Variants in PDE4D observed in about 807,000 individuals in gnomAD.
PDE4D encodes 3',5'-cyclic-AMP phosphodiesterase 4D.
PDE4D carries 24 observed loss-of-function variants against 87.4 expected under a neutral mutation model. That is an observed-to-expected ratio of 0.27 (90% CI 0.20 to 0.39). The LOEUF (loss-of-function observed/expected upper bound fraction) is 0.39, where lower values mean the gene tolerates loss of function less well. Among genes scored for constraint, PDE4D ranks in the 10% least tolerant of loss-of-function variants. The pLI is 1.00. For synonymous variants in PDE4D, 384 were observed against 383.2 expected, an observed-to-expected ratio of 1.00 and a Z score of -0.02; for missense variants, 714 against 1,041.0, an observed-to-expected ratio of 0.69 and a Z score of 4.32.
intron 1 of PDE4D, among the ~76,000 whole-genome samples, chr5:59,775,860 C>T (rs1360365045): frequency 2.6e-5 from 4 of 152,056 alleles, no homozygotes; most frequent in Non-Finnish European, 4.4e-5. Flanking sequence ...CACCCCTGAC[C>T]GGCCCCCAAG....
chr5:59,325,067 T>C (rs1333506930), intron 1 of PDE4D, among the ~76,000 whole-genome samples: 1 of 152,136 alleles, frequency 6.6e-6, no homozygotes, highest in Non-Finnish European at 1.5e-5. Flanking sequence ...GGAACAGTAA[T>C]AGCCTTTTGA....
At chr5:59,604,705 A>G (rs1162584993) in intron 1 of PDE4D, among the ~76,000 whole-genome samples, 2 of 152,050 alleles carry the variant, frequency 1.3e-5, no homozygotes, top group African/African-American at 4.8e-5. Flanking sequence ...AAATCAAACT[A>G]CAATGAGGTA....
chr5:58,977,694 G>A (rs190862371), intron 11 of PDE4D, among the ~76,000 whole-genome samples: 3 of 152,156 alleles, frequency 2.0e-5, no homozygotes, highest in Non-Finnish European at 4.4e-5. Context: ...CACATCCAGA[G>A]CATAAGGTTT....
intron 1 of PDE4D, among the ~76,000 whole-genome samples, chr5:59,481,788 C>T (rs956465071): frequency 1.3e-5 from 2 of 151,812 alleles, no homozygotes; most frequent in Admixed American, 1.3e-4. Flanking sequence ...CTTCTCATTT[C>T]CCCTATAAAA....
At chr5:59,268,089 C>T (rs1329339814) in intron 1 of PDE4D, among the ~76,000 whole-genome samples, 2 of 151,872 alleles carry the variant, frequency 1.3e-5, no homozygotes, top group African/African-American at 4.8e-5. Flanking sequence ...TTTTTCTTGC[C>T]ACACTTCCCC....
chr5:59,325,747 C>T (rs1294663915), intron 1 of PDE4D, among the ~76,000 whole-genome samples: 15 of 152,198 alleles, frequency 9.9e-5, no homozygotes, highest in Non-Finnish European at 2.2e-4. Context: ...TGAGCCAGTA[C>T]TATTGACAGT....
intron 1 of PDE4D, chr5:59,275,635 A>G: frequency 1.6e-6 from 2 of 1,237,410 alleles, no homozygotes; most frequent in Non-Finnish European, 2.0e-6. Flanking sequence ...CTAGGCTGTT[A>G]GGAAGTGACA....
At position 59,686,962 on chromosome 5, in the gene PDE4D, T is replaced by A. The variant is rs533772832; in HGVS notation, c.455+206206A>T. Among the ~76,000 whole-genome samples, 68 of 152,316 alleles carry A rather than the reference T, an allele frequency of 4.5e-4. 1 individual carries two copies. The highest frequency in any genetic ancestry group is 1.5e-3 in the African/African-American group (62 of 41,564). On this transcript the variant is annotated intron_variant, in intron 1 of 14. Transcript: ENST00000340635. Reference sequence around the variant, plus strand: ...CAAACACCATTTAACAGTTCAACTTTCTTCAGCCCTTTGGTTACTCATTTT... The same window carrying A: ...CAAACACCATTTAACAGTTCAACTTACTTCAGCCCTTTGGTTACTCATTTT...
intron 1 of PDE4D, among the ~76,000 whole-genome samples, chr5:59,753,508 T>C (rs1011966699): frequency 1.3e-5 from 2 of 152,112 alleles, no homozygotes; most frequent in Non-Finnish European, 2.9e-5. Flanking sequence ...AGAGGAGGCA[T>C]ATGGAACTTG....
At chr5:60,134,491 C>A (rs1779860246) in intron 2 of PDE4D, among the ~76,000 whole-genome samples, 1 of 152,160 alleles carries the variant, frequency 6.6e-6, no homozygotes, top group African/African-American at 2.4e-5. Context: ...GGTGATATAG[C>A]AGACCCTGTC....
rs541932062 is a variant in PDE4D, at chr5:60,211,570, C to T, written c.-89-25883G>A. On this transcript the variant is annotated intron_variant, in intron 1 of 16. Coordinates refer to the PDE4D transcript ENST00000502484. Reference sequence around the variant, plus strand: ...TATGTTTTATATATTGTGTTTATTACGCGTTTTATTTGTATATTTTTATTT... The same window carrying T: ...TATGTTTTATATATTGTGTTTATTATGCGTTTTATTTGTATATTTTTATTT... 2.2e-3 allele frequency among the ~76,000 whole-genome samples: 323 copies of T among 148,600 alleles called. 1 individual carries two copies. Among genetic ancestry groups the T allele is most frequent in the African/African-American group, 7.4e-3 (300 of 40,662 alleles).
At chr5:59,863,455 A>G (rs1746569454) in intron 1 of PDE4D, among the ~76,000 whole-genome samples, 1 of 152,194 alleles carries the variant, frequency 6.6e-6, no homozygotes. Context: ...AGAGTTCTAA[A>G]TCACTACTTC....
Position 59,249,289 on chromosome 5 carries a change from T to A in PDE4D, c.456-33321A>T, listed in dbSNP as rs114858773. Among the ~76,000 whole-genome samples the A allele has an allele frequency of 5.0e-3, 760 of 152,238 alleles. 3 individuals carry two copies. The highest frequency in any genetic ancestry group is 0.016 in the African/African-American group (655 of 41,564). On this transcript the variant is annotated intron_variant, in intron 1 of 14. Coordinates refer to ENST00000340635, the MANE Select transcript of PDE4D (RefSeq NM_001104631.2). Reference sequence around the variant, plus strand: ...ATACCACTTTAACCTAATATGTGGATAAAGATTTTTTTTAATGAAAAACAT... The same window carrying A: ...ATACCACTTTAACCTAATATGTGGAAAAAGATTTTTTTTAATGAAAAACAT...
rs546910193 is a variant in PDE4D at position 59,012,314 on chromosome 5, T to C, written c.922-18849A>G. On this transcript the variant is annotated intron_variant, in intron 6 of 14. Coordinates refer to ENST00000340635, the MANE Select transcript of PDE4D (RefSeq NM_001104631.2). The stretch of plus-strand genomic sequence containing the variant: ...TTCCCACATAACAATATTAACCTTA[T>C]ATGTAAATGGGCTAAATGTTCCAAT... 5.3e-5 allele frequency among the ~76,000 whole-genome samples: 8 copies of C among 152,234 alleles called. No individual in the cohort carries two copies. In the East Asian group the frequency reaches 7.7e-4, roughly 15 times the overall value.
At chr5:59,287,193 T>C (rs551644880) in intron 1 of PDE4D, among the ~76,000 whole-genome samples, 2 of 152,180 alleles carry the variant, frequency 1.3e-5, no homozygotes, top group African/African-American at 4.8e-5. Flanking sequence ...TGCCCCAAAA[T>C]AGATTCCTAG....
intron 1 of PDE4D, among the ~76,000 whole-genome samples, chr5:60,384,834 A>G (rs188773624): frequency 1.3e-5 from 2 of 152,320 alleles, no homozygotes; most frequent in Non-Finnish European, 2.9e-5. Context: ...TACACTGTCC[A>G]TGGAAATACC....
chr5:60,231,413 A>T (rs1406423787), intron 1 of PDE4D, among the ~76,000 whole-genome samples: 1 of 151,982 alleles, frequency 6.6e-6, no homozygotes, highest in Non-Finnish European at 1.5e-5. Context: ...GGGTTGTAGG[A>T]GTAAAGTCTA....
chr5:59,816,442 A>G (rs569327973), intron 1 of PDE4D, among the ~76,000 whole-genome samples: 6 of 152,338 alleles, frequency 3.9e-5, no homozygotes, highest in Non-Finnish European at 7.3e-5. Context: ...TGGGAAAAAA[A>G]ATGAATGAGA....
At chr5:59,924,297 T>C (rs1257855788) in intron 3 of PDE4D, among the ~76,000 whole-genome samples, 2 of 152,042 alleles carry the variant, frequency 1.3e-5, no homozygotes, top group African/African-American at 2.4e-5. Context: ...GAGAGAGACA[T>C]AGGGATAAAA....
Sources: gnomAD v4.1 joint callset for allele counts (sites outside exome capture counted in the v4.1 genomes callset) on GRCh38, gnomAD v4.1.1 for gene constraint, MANE v1.5 for transcripts, NCBI Gene and HGNC (gene_info 2026-07-23, HGNC 2026-07-21) for gene names.